PLCB1: variants seen among roughly 807,000 people sequenced by gnomAD.
PLCB1 encodes phospholipase C beta 1.
Under a neutral mutation model 161.8 loss-of-function variants are expected in PLCB1, and 46 were observed. The observed-to-expected ratio is 0.28, with a 90% CI of 0.22 to 0.36. The LOEUF (loss-of-function observed/expected upper bound fraction) is 0.36. Ranked by LOEUF, PLCB1 falls within the 10% of genes least tolerant of loss-of-function variation. The pLI, the probability that PLCB1 is intolerant of heterozygous loss-of-function variation, is 1.00. For missense variants in PLCB1, 1,016 were observed against 1,472.5 expected, an observed-to-expected ratio of 0.69 and a Z score of 5.07; for synonymous variants, 517 against 503.7, an observed-to-expected ratio of 1.03 and a Z score of -0.35.
intron 3 of PLCB1, among the ~76,000 whole-genome samples, chr20:8,485,841 G>A (rs144133394): frequency 1.0e-3 from 159 of 152,252 alleles, no homozygotes; most frequent in Admixed American, 5.8e-3. Flanking sequence ...GTCTACAGAG[G>A]TATGGAAACC....
chr20:8,651,608 C>A, intron 7 of PLCB1: 1 of 676,640 alleles, frequency 1.5e-6, no homozygotes, highest in South Asian at 1.6e-5. Flanking sequence ...ATTTCTTGAG[C>A]TCTTACTATG....
intron 26 of PLCB1, among the ~76,000 whole-genome samples, chr20:8,768,673 AG>A (rs1178823202): frequency 6.6e-6 from 1 of 152,226 alleles, no homozygotes; most frequent in Non-Finnish European, 1.5e-5. Context: ...TAACCTGGCC[AG>A]GGGCACATGC....
intron 3 of PLCB1, among the ~76,000 whole-genome samples, chr20:8,542,897 A>G (rs2122963342): frequency 6.6e-6 from 1 of 152,304 alleles, no homozygotes; most frequent in African/African-American, 2.4e-5. Context: ...CCTTATATTT[A>G]AAAGTCATTC....
intron 2 of PLCB1, among the ~76,000 whole-genome samples, chr20:8,329,319 A>G (rs1485673187): frequency 7.1e-6 from 1 of 141,306 alleles, no homozygotes; most frequent in African/African-American, 2.6e-5. Context: ...TAAAATAAAT[A>G]CTTTTTTTTT....
chr20:8,876,229 A>G (rs1340759808), intron 31 of PLCB1, among the ~76,000 whole-genome samples: 3 of 152,228 alleles, frequency 2.0e-5, no homozygotes, highest in Non-Finnish European at 4.4e-5. Flanking sequence ...ATATCTGAGT[A>G]TAATAATAAC....
chr20:8,653,390 AAT>A (rs1237413308), intron 7 of PLCB1: 3 of 152,058 alleles, frequency 2.0e-5, no homozygotes, highest in African/African-American at 7.2e-5. Flanking sequence ...TGTGATTCTT[AAT>A]ATGACTAATA....
intron 3 of PLCB1, among the ~76,000 whole-genome samples, chr20:8,506,080 T>G (rs1983624827): frequency 6.6e-6 from 1 of 152,254 alleles, no homozygotes; most frequent in Admixed American, 6.5e-5. Context: ...TCTTCCTTTC[T>G]TACTCAGATG....
chr20:8,306,345 C>T (rs1324531734), intron 2 of PLCB1: 2 of 152,194 alleles, frequency 1.3e-5, no homozygotes, highest in Admixed American at 6.5e-5. Context: ...CTCCTGGAGA[C>T]ATTTAGAAGT....
At chr20:8,300,816 A>G (rs1310715550) in intron 2 of PLCB1, among the ~76,000 whole-genome samples, 2 of 152,094 alleles carry the variant, frequency 1.3e-5, no homozygotes, top group African/African-American at 2.4e-5. Flanking sequence ...GGAAGACAGG[A>G]ATGGATTGGC....
At chr20:8,715,203 T>C (rs558596838) in intron 12 of PLCB1, among the ~76,000 whole-genome samples, 1 of 152,324 alleles carries the variant, frequency 6.6e-6, no homozygotes, top group East Asian at 1.9e-4. Flanking sequence ...TGGATAACTT[T>C]GTAATGATAT....
At chr20:8,826,085 T>C (rs1380028600) in intron 31 of PLCB1, among the ~76,000 whole-genome samples, 4 of 152,184 alleles carry the variant, frequency 2.6e-5, no homozygotes, top group Non-Finnish European at 5.9e-5. Context: ...AGAGAAGTCA[T>C]GTGGATGGTG....
At chr20:8,399,593 C>T (rs35685078) in intron 3 of PLCB1, among the ~76,000 whole-genome samples, 21,065 of 151,966 alleles carry the variant, frequency 0.14, 1,854 homozygotes, top group Non-Finnish European at 0.19. Context: ...TTTTACCAAC[C>T]CATTATATCA....
chr20:8,803,673 G>A lies in PLCB1; in HGVS notation c.3423+13412G>A, dbSNP rs55822561. ...GGGAGACCTTGACAATTTCTTCTTC[G>A]TTTGGATATAAATGTTAAGACTATC... On this transcript the variant is annotated intron_variant, in intron 31 of 31. Transcript: ENST00000338037. 3.6e-3 allele frequency among the ~76,000 whole-genome samples: 547 copies of A among 152,264 alleles called. 4 individuals are homozygous for A. Among genetic ancestry groups the A allele is most frequent in the Non-Finnish European group, 6.5e-3 (441 of 68,020 alleles).
intron 31 of PLCB1, among the ~76,000 whole-genome samples, chr20:8,870,488 G>T (rs554601992): frequency 2.6e-5 from 4 of 152,042 alleles, no homozygotes; most frequent in Non-Finnish European, 4.4e-5. Context: ...CCTCTGTGGC[G>T]GTTTCATGGA....
At chr20:8,740,667 C>G (rs976623029) in intron 22 of PLCB1, among the ~76,000 whole-genome samples, 1 of 152,178 alleles carries the variant, frequency 6.6e-6, no homozygotes, top group Non-Finnish European at 1.5e-5. Context: ...CACAACACCT[C>G]AGTTTTTTGA....
At chr20:8,525,849 A>G (rs928508671) in intron 3 of PLCB1, among the ~76,000 whole-genome samples, 1 of 150,376 alleles carries the variant, frequency 6.6e-6, no homozygotes, top group Non-Finnish European at 1.5e-5. Flanking sequence ...CTCTTTCTGT[A>G]GCTCTATTCT....
intron 2 of PLCB1, among the ~76,000 whole-genome samples, chr20:8,330,502 C>T (rs949648085): frequency 6.6e-6 from 1 of 152,212 alleles, no homozygotes; most frequent in Non-Finnish European, 1.5e-5. Context: ...GTAATCAGTC[C>T]TCCTTTCACT....
intron 2 of PLCB1, among the ~76,000 whole-genome samples, chr20:8,213,064 T>C (rs929961740): frequency 1.3e-5 from 2 of 152,154 alleles, no homozygotes; most frequent in Admixed American, 6.6e-5. Flanking sequence ...CCATGTTTCC[T>C]TCTGAGTCTT....
chr20:8,433,152 G>A (rs951206952), intron 3 of PLCB1, among the ~76,000 whole-genome samples: 11 of 152,192 alleles, frequency 7.2e-5, no homozygotes, highest in African/African-American at 1.7e-4. Flanking sequence ...GCAGCATCCG[G>A]TCCTCTCTTA....
Sources: allele counts gnomAD v4.1 joint callset (sites outside exome capture counted in the v4.1 genomes callset), GRCh38; gene constraint gnomAD v4.1.1; transcripts MANE v1.5; gene names NCBI Gene and HGNC (gene_info 2026-07-23, HGNC 2026-07-21).